Variants in TNFAIP3 observed in about 807,000 individuals in gnomAD.
TNFAIP3 encodes tumor necrosis factor alpha-induced protein 3.
A neutral mutation model predicts 72.4 loss-of-function variants in TNFAIP3; 9 were observed. The observed-to-expected ratio is 0.12, with a 90% CI of 0.07 to 0.22. The LOEUF (loss-of-function observed/expected upper bound fraction) is 0.22. TNFAIP3 is among the 10% of genes least tolerant of loss of function. The probability of loss-of-function intolerance (pLI) is 1.00; values close to 1 mark genes in which losing one functional copy is unlikely to be tolerated. For synonymous variants in TNFAIP3, 339 were observed against 372.6 expected (o/e 0.91, Z 1.04); for missense variants, 833 against 1,018.7 (o/e 0.82, Z 2.48).
chr6:137,871,745 A>G lies in TNFAIP3; in HGVS notation c.295+223A>G, dbSNP rs1472829179. 6.6e-6 allele frequency among the ~76,000 whole-genome samples: 1 copy of G among 152,238 alleles called. No homozygotes were observed. Among genetic ancestry groups the G allele is most frequent in the African/African-American group, 2.4e-5 (1 of 41,468 alleles). On this transcript the variant is annotated intron_variant, in intron 2 of 8. Transcript: ENST00000612899. This position sits in a 1 kb window ranked among gnomAD's most constrained non-coding sequence, Gnocchi z 4.2. ...TTTCTGATTGTGTATATTGCAGAGC[A>G]CATTGAGGCTTGGAGAATGCATTTG... is the stretch of plus-strand genomic sequence containing the variant.
At position 137,879,009 on chromosome 6, in the gene TNFAIP3, C is replaced by G. The variant is rs765370005; in HGVS notation, c.1564C>G (p.Gln522Glu). ...HTRHLDPGKCQACLQDVTRTF... is the reference protein window; with the variant it reads ...HTRHLDPGKCEACLQDVTRTF... ...AAGGCACTTGGATCCCGGGAAGTGC[C>G]AAGCCTGCCTCCAGGATGTTACCAG... The change falls in exon 7 of 9, where the codon CAA becomes GAA. Residue 522 changes from glutamine to glutamate, a missense_variant. By Grantham distance (29) the Gln-to-Glu change is conservative (BLOSUM62 2). Transcript: ENST00000612899. 1.5e-5 allele frequency: 24 copies of G among 1,614,110 alleles called. No homozygotes were observed. Among genetic ancestry groups the G allele is most frequent in the Non-Finnish European group, 2.0e-5 (24 of 1,180,050 alleles).
chr6:137,871,065 A>G lies in TNFAIP3; in HGVS notation c.-15-148A>G. On this transcript the variant is annotated intron_variant, in intron 1 of 8. Coordinates refer to ENST00000612899, the MANE Select transcript of TNFAIP3 (RefSeq NM_001270508.2). The surrounding 1 kb of genome is among the most constrained non-coding windows in gnomAD (Gnocchi z 4.2). Reference sequence around the variant, plus strand: ...GAGTTAATCTCTGGGGCCAGCTAGTATCCCGGGAGTAGAGGTGCTAAGATC... The same window carrying G: ...GAGTTAATCTCTGGGGCCAGCTAGTGTCCCGGGAGTAGAGGTGCTAAGATC... The G allele has an allele frequency of 3.2e-6, 2 of 616,680 alleles. No individual in the cohort carries two copies. Among genetic ancestry groups the G allele is most frequent in the Non-Finnish European group, 5.5e-6 (2 of 363,998 alleles). 38.2% of individuals were successfully genotyped at this position (616,680 alleles called of 1,614,324 possible).
chr6:137,871,135 T>C lies in TNFAIP3; in HGVS notation c.-15-78T>C. ...TAATGACAAGATCAAACACTGGGGT[T>C]TCCTGCAGGCAGCTATAGAGGAGTC... On this transcript the variant is annotated intron_variant, in intron 1 of 8. Coordinates refer to ENST00000612899, the MANE Select transcript of TNFAIP3 (RefSeq NM_001270508.2). This position sits in a 1 kb window ranked among gnomAD's most constrained non-coding sequence, Gnocchi z 4.2. 7.3e-7 allele frequency: 1 copy of C among 1,371,922 alleles called. No individual in the cohort carries two copies. The highest frequency in any genetic ancestry group is 9.9e-7 in the Non-Finnish European group (1 of 1,012,178). The allele number at this position is 1,371,922 out of a possible 1,614,324, so 85.0% of individuals were successfully genotyped here. A position where few individuals can be genotyped will look rare whatever the true frequency, so the allele number is the denominator to read the frequency against.
In TNFAIP3 at chr6:137,867,763, C is replaced by T. The variant is rs1775887336; in HGVS notation, c.-16+221C>T. The T allele has an allele frequency of 1.3e-5, 2 of 152,490 alleles. No homozygotes were observed. The highest frequency in any genetic ancestry group is 4.8e-5 in the African/African-American group (2 of 41,482). 9.4% of individuals were successfully genotyped at this position (152,490 alleles called of 1,614,324 possible). On this transcript the variant is annotated intron_variant, in intron 1 of 8. Coordinates refer to ENST00000612899, the MANE Select transcript of TNFAIP3 (RefSeq NM_001270508.2). This position sits in a 1 kb window ranked among gnomAD's most constrained non-coding sequence, Gnocchi z 6.0. The stretch of plus-strand genomic sequence containing the variant: ...TTGGAGTGACAGCCCTGGATACCTC[C>T]AGCCAGCTGTTCCTTTCAGATAATG...
chr6:137,878,397 T>C (rs1216226775), intron 6 of TNFAIP3, 35 bp from the exon 7 acceptor site: 1 of 1,546,912 alleles, frequency 6.5e-7, no homozygotes. Flanking sequence ...TGATTTTGTG[T>C]ATTCTCATAC....
chr6:137,881,735 C>T lies in TNFAIP3; in HGVS notation c.*416C>T. ...GGTTGGAGAAGCCAGAGCCATTCCA[C>T]CTCCCCTCCCCCAGCATCTCTCAGA... On this transcript the variant is annotated 3_prime_UTR_variant, in exon 9 of 9. Transcript: ENST00000612899. The surrounding 1 kb of genome is among the most constrained non-coding windows in gnomAD (Gnocchi z 5.0). 1 of 241,892 alleles carries T rather than the reference C, an allele frequency of 4.1e-6. No homozygotes were observed. The highest frequency in any genetic ancestry group is 8.0e-6 in the Non-Finnish European group (1 of 124,250). The allele number at this position is 241,892 out of a possible 1,614,324, so 15.0% of individuals were successfully genotyped here.
Position 137,871,282 on chromosome 6 carries a change from G to C in TNFAIP3, c.55G>C (p.Val19Leu), listed in dbSNP as rs1776050169. 2 of 1,614,094 alleles carry C rather than the reference G, an allele frequency of 1.2e-6. No homozygotes were observed. The highest frequency in any genetic ancestry group is 1.7e-6 in the Non-Finnish European group (2 of 1,180,020). ...GTATTTGAGCAATATGCGGAAAGCTGTGAAGATACGGGAGAGAACTCCAGA... is the reference window on the plus strand; with the variant it reads ...GTATTTGAGCAATATGCGGAAAGCTCTGAAGATACGGGAGAGAACTCCAGA... The part of the protein sequence containing the change: ...ALYLSNMRKA[V>L]KIRERTPEDI... Residue 19 changes from valine to leucine, a missense_variant, in exon 2 of 9, where the codon GTG becomes CTG. Physicochemically the swap from Val to Leu is conservative, Grantham distance 32. Coordinates refer to ENST00000612899, the MANE Select transcript of TNFAIP3 (RefSeq NM_001270508.2). This position sits in a 1 kb window ranked among gnomAD's most constrained non-coding sequence, Gnocchi z 4.2.
At chr6:137,875,879 G>A in intron 4 of TNFAIP3, 44 bp downstream of exon 4, 1 of 1,611,002 alleles carries the variant, frequency 6.2e-7, no homozygotes, top group Non-Finnish European at 8.5e-7. Context: ...AATGCTTTCA[G>A]CCTTATGCCT....
At position 137,880,931 on chromosome 6, in the gene TNFAIP3, T is replaced by G. The variant is rs573300488; in HGVS notation, c.2089-104T>G. On this transcript the variant is annotated intron_variant, in intron 8 of 8. Transcript: ENST00000612899. ...CCCTTGCTCAGGCAGGTAAAGCTCT[T>G]TGTAGACTCCACACTCTCCAATGAG... 3 of 1,305,166 alleles carry G rather than the reference T, an allele frequency of 2.3e-6. No homozygotes were observed. The African/African-American group carries it at 4.5e-5, about 19-fold the overall frequency. 80.8% of individuals were successfully genotyped at this position (1,305,166 alleles called of 1,614,324 possible).
In TNFAIP3 at chr6:137,881,426, G is replaced by A; in HGVS notation, c.*107G>A. The A allele has an allele frequency of 9.7e-7, 1 of 1,036,070 alleles. No homozygotes were observed. The highest frequency in any genetic ancestry group is 1.4e-6 in the Non-Finnish European group (1 of 709,520). 64.2% of individuals were successfully genotyped at this position (1,036,070 alleles called of 1,614,324 possible). Reference sequence around the variant, plus strand: ...GCTGCCACTGCAACAGTGGGCTTAAGGGTGTCTGAGCAGGAGAGGAAAGAT... The same window carrying A: ...GCTGCCACTGCAACAGTGGGCTTAAAGGTGTCTGAGCAGGAGAGGAAAGAT... On this transcript the variant is annotated 3_prime_UTR_variant, in exon 9 of 9. Transcript: ENST00000612899. This position sits in a 1 kb window ranked among gnomAD's most constrained non-coding sequence, Gnocchi z 5.0.
Position 137,871,418 on chromosome 6 carries a change from TCCACAAAGC to T in TNFAIP3, c.194_202del (p.His65_Ala67del). 6.2e-7 allele frequency: 1 copy of T among 1,614,134 alleles called. No homozygotes were observed. Among genetic ancestry groups the T allele is most frequent in the Non-Finnish European group, 8.5e-7 (1 of 1,180,022 alleles). On this transcript the variant is annotated inframe_deletion, in exon 2 of 9. Transcript: ENST00000612899. This position sits in a 1 kb window ranked among gnomAD's most constrained non-coding sequence, Gnocchi z 4.2. ...TTTTGTCCTCAGTTTCGGGAGATCA[TCCACAAAGC>T]CCTCATCGACAGAAACATCCAGGCC...
chr6:137,878,562 A>G lies in TNFAIP3; in HGVS notation c.1117A>G (p.Met373Val). Residue 373 changes from methionine (M) to valine (V), a missense_variant, in exon 7 of 9, where the codon ATG (methionine) becomes GTG (valine). Around this residue, in one of 2 missense-constraint regions of TNFAIP3, gnomAD observed 587 missense variants for 657.8 expected, o/e 0.89. Transcript: ENST00000612899. ...GAGAGAGGGGCACGCCCAGAATCCC[A>G]TGGAACCTTCCGTGCCCCAGCTTTC... Reference protein sequence around the residue: ...GRREGHAQNPMEPSVPQLSLM... With the variant: ...GRREGHAQNPVEPSVPQLSLM... 1 of 1,614,262 alleles carries G rather than the reference A, an allele frequency of 6.2e-7. No individual in the cohort carries two copies.
chr6:137,882,909 A>C lies in TNFAIP3; in HGVS notation c.*1590A>C, dbSNP rs1293171536. On this transcript the variant is annotated 3_prime_UTR_variant, in exon 9 of 9. Transcript: ENST00000612899. The stretch of plus-strand genomic sequence containing the variant: ...GGAAATGCATTTTCCCCAGAGATAA[A>C]GGCTGCCATTTTGGGGGTCTGTACT... The C allele has an allele frequency of 8.8e-6, 2 of 226,938 alleles. No individual in the cohort carries two copies. Among genetic ancestry groups the C allele is most frequent in the Non-Finnish European group, 1.7e-5 (2 of 114,458 alleles). The allele number at this position is 226,938 out of a possible 1,614,324, so 14.1% of individuals were successfully genotyped here. A position where few individuals can be genotyped will look rare whatever the true frequency, so the allele number is the denominator to read the frequency against.
rs1318748973 is a variant in TNFAIP3, at chr6:137,882,606, T to A, written c.*1287T>A. On this transcript the variant is annotated 3_prime_UTR_variant, in exon 9 of 9. Coordinates refer to ENST00000612899, the MANE Select transcript of TNFAIP3 (RefSeq NM_001270508.2). Reference sequence around the variant, plus strand: ...TGTGTTCTGTTAATGCCTCTGAGTGTCCTACCTCCTTGGAGATGAGATAGG... The same window carrying A: ...TGTGTTCTGTTAATGCCTCTGAGTGACCTACCTCCTTGGAGATGAGATAGG... 2 of 232,836 alleles carry A rather than the reference T, an allele frequency of 8.6e-6. No homozygotes were observed. The highest frequency in any genetic ancestry group is 1.2e-4 in the East Asian group (2 of 16,660). 14.4% of individuals were successfully genotyped at this position (232,836 alleles called of 1,614,324 possible). A position where few individuals can be genotyped will look rare whatever the true frequency, so the allele number is the denominator to read the frequency against.
rs886815487 is a variant in TNFAIP3, at chr6:137,871,160, C to G, written c.-15-53C>G. 2 of 1,504,358 alleles carry G rather than the reference C, an allele frequency of 1.3e-6. No homozygotes were observed. Among genetic ancestry groups the G allele is most frequent in the Non-Finnish European group, 1.8e-6 (2 of 1,121,944 alleles). The allele number at this position is 1,504,358 out of a possible 1,614,324, so 93.2% of individuals were successfully genotyped here. A position where few individuals can be genotyped will look rare whatever the true frequency, so the allele number is the denominator to read the frequency against. On this transcript the variant is annotated intron_variant, in intron 1 of 8. Transcript: ENST00000612899. The surrounding 1 kb of genome is among the most constrained non-coding windows in gnomAD (Gnocchi z 4.2). ...TTCCTGCAGGCAGCTATAGAGGAGT[C>G]GTATTAAAGTCAGGCTAATAGAATG...
At chr6:137,880,350 C>T (rs933952408) in intron 8 of TNFAIP3, 98 bp downstream of exon 8, 9 of 1,299,532 alleles carry the variant, frequency 6.9e-6, no homozygotes, top group Non-Finnish European at 2.2e-6. Flanking sequence ...TTCCTCTCTG[C>T]CAGGTTCTGT....
intron 6 of TNFAIP3, among the ~76,000 whole-genome samples, chr6:137,877,910 C>T (rs372941317): frequency 3.1e-4 from 46 of 150,410 alleles, no homozygotes; most frequent in African/African-American, 1.0e-3. Flanking sequence ...AATAGACAAG[C>T]GCCTTTGAGT....
In TNFAIP3 at chr6:137,871,434, C is replaced by G. The variant is rs548932103; in HGVS notation, c.207C>G (p.Ile69Met). 6.8e-6 allele frequency: 11 copies of G among 1,614,058 alleles called. No individual in the cohort carries two copies. The highest frequency in any genetic ancestry group is 9.3e-6 in the Non-Finnish European group (11 of 1,180,036). ...GGGAGATCATCCACAAAGCCCTCATCGACAGAAACATCCAGGCCACCCTGG... is the reference window on the plus strand; with the variant it reads ...GGGAGATCATCCACAAAGCCCTCATGGACAGAAACATCCAGGCCACCCTGG... ...QFREIIHKALIDRNIQATLES... is the reference protein window; with the variant it reads ...QFREIIHKALMDRNIQATLES... Residue 69 changes from isoleucine to methionine, a missense_variant, in exon 2 of 9, where the codon ATC becomes ATG. Physicochemically the swap from Ile to Met is conservative, Grantham distance 10 (BLOSUM62 1). This residue lies in a region of TNFAIP3 where 246 missense variants were observed against 360.9 expected (regional missense o/e 0.68). Coordinates refer to ENST00000612899, the MANE Select transcript of TNFAIP3 (RefSeq NM_001270508.2). This position sits in a 1 kb window ranked among gnomAD's most constrained non-coding sequence, Gnocchi z 4.2.
chr6:137,880,130 C>T lies in TNFAIP3; in HGVS notation c.1966C>T (p.Pro656Ser). The T allele has an allele frequency of 6.2e-7, 1 of 1,614,154 alleles. No individual in the cohort carries two copies. Among genetic ancestry groups the T allele is most frequent in the Non-Finnish European group, 8.5e-7 (1 of 1,180,024 alleles). The change falls in exon 8 of 9, where the codon CCG (proline) becomes TCG (serine). Residue 656 changes from proline (P) to serine (S), a missense_variant. By Grantham distance (74) the Pro-to-Ser change is moderately conservative (BLOSUM62 -1). Transcript: ENST00000612899. ...PTASRFQNTIPCLGRECGTLG... is the reference protein window; with the variant it reads ...PTASRFQNTISCLGRECGTLG... ...AGCGTCCAGGTTCCAGAACACCATT[C>T]CGTGCCTGGGGAGGGAATGCGGCAC...
Sources: allele counts gnomAD v4.1 joint callset (sites outside exome capture counted in the v4.1 genomes callset), GRCh38; gene constraint gnomAD v4.1.1; regional missense constraint gnomAD v4.1.1; non-coding constraint Gnocchi (gnomAD v3.1); transcripts MANE v1.5; gene names NCBI Gene and HGNC (gene_info 2026-07-23, HGNC 2026-07-21).